TM7SF2: variants seen among roughly 807,000 people sequenced by gnomAD.
The protein encoded by TM7SF2 is transmembrane 7 superfamily member 2.
A neutral mutation model predicts 51.0 loss-of-function variants in TM7SF2; 51 were observed. That is an observed-to-expected ratio of 1.00 (90% CI 0.80 to 1.26). The LOEUF (loss-of-function observed/expected upper bound fraction) is 1.26, where lower values mean the gene tolerates loss of function less well. Ranked by LOEUF, TM7SF2 falls within the 50% of genes most tolerant of loss-of-function variation. The pLI is 0.00. For synonymous variants in TM7SF2, 255 were observed against 241.0 expected (o/e 1.06, Z -0.54); for missense variants, 541 against 547.4 (o/e 0.99, Z 0.12).
Position 65,113,370 on chromosome 11 carries a change from C to T in TM7SF2, c.455C>T (p.Ala152Val), listed in dbSNP as rs770443444. 1.2e-6 allele frequency: 2 copies of T among 1,614,014 alleles called. No individual in the cohort carries two copies. The highest frequency in any genetic ancestry group is 1.7e-6 in the Non-Finnish European group (2 of 1,180,036). ...FIFSLFLYMKAQVAPVSALAP... is the reference protein window; with the variant it reads ...FIFSLFLYMKVQVAPVSALAP... ...TTCAGCCTCTTTCTCTACATGAAGGCGCAGGTAGCCCCAGTTTCGGCCCTG... is the reference window on the plus strand; with the variant it reads ...TTCAGCCTCTTTCTCTACATGAAGGTGCAGGTAGCCCCAGTTTCGGCCCTG... The change falls in exon 4 of 10, where the codon GCG (alanine) becomes GTG (valine). Residue 152 changes from alanine (A) to valine (V), a missense_variant. Physicochemically the swap from Ala to Val is moderately conservative, Grantham distance 64. Coordinates refer to ENST00000279263, the MANE Select transcript of TM7SF2 (RefSeq NM_003273.6).
In TM7SF2 at chr11:65,114,926, C is replaced by G; in HGVS notation, c.737C>G (p.Thr246Ser). Residue 246 changes from threonine to serine, a missense_variant, in exon 7 of 10, where the codon ACC becomes AGC. Coordinates refer to ENST00000279263, the MANE Select transcript of TM7SF2 (RefSeq NM_003273.6). ...TTGTCCCTGCAGGAGGCCGTCCTCA[C>G]CACCATGGATATCACACATGACGGG... ...DALWHEEAVLTTMDITHDGFG... is the reference protein window; with the variant it reads ...DALWHEEAVLSTMDITHDGFG... 1 of 1,614,190 alleles carries G rather than the reference C, an allele frequency of 6.2e-7. No individual in the cohort carries two copies. Among genetic ancestry groups the G allele is most frequent in the Non-Finnish European group, 8.5e-7 (1 of 1,180,024 alleles).
rs868412324 is a variant in TM7SF2, at chr11:65,114,913, G to A, written c.724G>A (p.Glu242Lys). The change falls in exon 7 of 10, where the codon GAG (glutamate) becomes AAG (lysine). Residue 242 changes from glutamate (E) to lysine (K), a missense_variant and splice_region_variant. By Grantham distance (56) the Glu-to-Lys change is moderately conservative. Coordinates refer to ENST00000279263, the MANE Select transcript of TM7SF2 (RefSeq NM_003273.6). Reference protein sequence around the residue: ...LYVGDALWHEEAVLTTMDITH... With the variant: ...LYVGDALWHEKAVLTTMDITH... ...GTGTGTCTGGGTCTTGTCCCTGCAG[G>A]AGGCCGTCCTCACCACCATGGATAT... is the stretch of plus-strand genomic sequence containing the variant. 1 of 1,614,206 alleles carries A rather than the reference G, an allele frequency of 6.2e-7. No homozygotes were observed. Among genetic ancestry groups the A allele is most frequent in the East Asian group, 2.2e-5 (1 of 44,884 alleles).
rs912812977 is a variant in TM7SF2, at chr11:65,112,749, C to T, written c.249+38C>T. On this transcript the variant is annotated intron_variant, in intron 2 of 9. Transcript: ENST00000279263. ...CTCGCGGACGCTCGGGGGAGGGAAG[C>T]GAATGGGCTCGGCGAGGGAAAGGAC... is the stretch of plus-strand genomic sequence containing the variant. 4 of 1,548,954 alleles carry T rather than the reference C, an allele frequency of 2.6e-6. No individual in the cohort carries two copies. The African/African-American group carries it at 5.5e-5, about 21-fold the overall frequency.
intron 5 of TM7SF2, among the ~76,000 whole-genome samples, chr11:65,114,099 T>C (rs931118858): frequency 6.6e-6 from 1 of 152,184 alleles, no homozygotes; most frequent in African/African-American, 2.4e-5. Context: ...CTGGAAATTA[T>C]CTTACCCGAG....
intron 8 of TM7SF2, 35 bp downstream of exon 8, chr11:65,115,429 G>A (rs1947965890): frequency 6.2e-7 from 1 of 1,614,160 alleles, no homozygotes; most frequent in Non-Finnish European, 8.5e-7. Context: ...GGTGAGGTGG[G>A]GCAGCTGGGC....
intron 3 of TM7SF2, 85 bp downstream of exon 3, chr11:65,112,950 C>T: frequency 6.8e-7 from 1 of 1,479,104 alleles, no homozygotes; most frequent in South Asian, 1.2e-5. Context: ...CGGAGATTGG[C>T]CCCCACCCCA....
Position 65,115,984 on chromosome 11 carries a change from G to C in TM7SF2, c.1188G>C (p.Gln396His), listed in dbSNP as rs754635636. 1 of 1,613,496 alleles carries C rather than the reference G, an allele frequency of 6.2e-7. No homozygotes were observed. The highest frequency in any genetic ancestry group is 2.2e-5 in the East Asian group (1 of 44,886). Residue 396 changes from glutamine (Q) to histidine (H), a missense_variant, in exon 10 of 10, where the codon CAG becomes CAC. Gln to His is a conservative substitution (Grantham distance 24). Coordinates refer to ENST00000279263, the MANE Select transcript of TM7SF2 (RefSeq NM_003273.6). ...REARDERQCL[Q>H]KYGLAWQEYC... Reference sequence around the variant, plus strand: ...CCCGGGATGAGCGGCAGTGCCTGCAGAAGTACGGCCTGGCCTGGCAGGAGT... The same window carrying C: ...CCCGGGATGAGCGGCAGTGCCTGCACAAGTACGGCCTGGCCTGGCAGGAGT...
At position 65,111,992 on chromosome 11, in the gene TM7SF2, T is replaced by C; in HGVS notation, c.-24T>C. 6.4e-7 allele frequency: 1 copy of C among 1,572,344 alleles called. No individual in the cohort carries two copies. Among genetic ancestry groups the C allele is most frequent in the South Asian group, 1.2e-5 (1 of 85,634 alleles). On this transcript the variant is annotated 5_prime_UTR_variant, in exon 1 of 10. Transcript: ENST00000279263. The stretch of plus-strand genomic sequence containing the variant: ...CCTTGACTGACTATTGTGAGCGCCC[T>C]CTCTCTCCGGCGGAGCGGAGACCAT...
intron 1 of TM7SF2, chr11:65,112,282 T>A: frequency 1.6e-6 from 1 of 642,834 alleles, no homozygotes; most frequent in Middle Eastern, 4.3e-4. Context: ...TGGTGTCGAC[T>A]GGGAGCAGGA....
At chr11:65,112,298 G>A (rs1254117372) in intron 1 of TM7SF2, 4 of 661,648 alleles carry the variant, frequency 6.0e-6, no homozygotes, top group African/African-American at 1.9e-5. Flanking sequence ...CAGGAGGAGG[G>A]TCTTCGAGGG....
In TM7SF2 at chr11:65,113,578, C is replaced by G; in HGVS notation, c.587C>G (p.Pro196Arg). 1 of 1,614,094 alleles carries G rather than the reference C, an allele frequency of 6.2e-7. No individual in the cohort carries two copies. Residue 196 changes from proline (P) to arginine (R), a missense_variant, in exon 5 of 10, where the codon CCC (proline) becomes CGC (arginine). By Grantham distance (103) the Pro-to-Arg change is moderately radical. Coordinates refer to ENST00000279263, the MANE Select transcript of TM7SF2 (RefSeq NM_003273.6). ...TTCAAATATTTCTGTGAACTGCGAC[C>G]CGGCCTCATCGGCTGGGTATGTTGG... ...FDFKYFCELR[P>R]GLIGWVLINL...
rs1590815370 is a variant in TM7SF2, at chr11:65,111,911, G to A, written c.-105G>A. The stretch of plus-strand genomic sequence containing the variant: ...TCCAGGCAGGTGCAGGCGCCGCGGG[G>A]CCGGATCCTCCGCGCGGCCGAGTCC... On this transcript the variant is annotated 5_prime_UTR_variant, in exon 1 of 10. Transcript: ENST00000279263. The A allele has an allele frequency of 7.6e-7, 1 of 1,310,176 alleles. No homozygotes were observed. Among genetic ancestry groups the A allele is most frequent in the Non-Finnish European group, 1.1e-6 (1 of 930,468 alleles). The allele number at this position is 1,310,176 out of a possible 1,614,324, so 81.2% of individuals were successfully genotyped here.
rs1947951011 is a variant in TM7SF2, at chr11:65,114,555, G to A, written c.604-158G>A. On this transcript the variant is annotated intron_variant, in intron 5 of 9. Transcript: ENST00000279263. Reference sequence around the variant, plus strand: ...GACAAGGCAAGAAGAAACAGGCTGCGGGCACCTCCCTGTCCACAGTCTCTG... The same window carrying A: ...GACAAGGCAAGAAGAAACAGGCTGCAGGCACCTCCCTGTCCACAGTCTCTG... The A allele has an allele frequency of 2.1e-5, 18 of 867,708 alleles. 1 individual carries two copies. In the East Asian group the frequency reaches 2.2e-4, roughly 10 times the overall value. The allele number at this position is 867,708 out of a possible 1,614,324, so 53.8% of individuals were successfully genotyped here. A position where few individuals can be genotyped will look rare whatever the true frequency, so the allele number is the denominator to read the frequency against.
intron 3 of TM7SF2, 89 bp from the exon 4 acceptor site, chr11:65,113,131 G>A: frequency 7.3e-7 from 1 of 1,371,228 alleles, no homozygotes; most frequent in Non-Finnish European, 9.7e-7. Context: ...AGGGTCTGTG[G>A]CCCCCCTGAG....
rs1947908217 is a variant in TM7SF2, at chr11:65,111,878, G to A, written c.-138G>A. On this transcript the variant is annotated 5_prime_UTR_variant, in exon 1 of 10. Transcript: ENST00000279263. ...TGGGACGAGAGCGGTCCTTGTCTGC[G>A]TTCCGTGTCCAGGCAGGTGCAGGCG... 9.2e-7 allele frequency: 1 copy of A among 1,082,964 alleles called. No individual in the cohort carries two copies. Among genetic ancestry groups the A allele is most frequent in the Non-Finnish European group, 1.4e-6 (1 of 729,482 alleles). The allele number at this position is 1,082,964 out of a possible 1,614,324, so 67.1% of individuals were successfully genotyped here.
chr11:65,114,228 G>A (rs1420858076), intron 5 of TM7SF2, among the ~76,000 whole-genome samples: 1 of 152,160 alleles, frequency 6.6e-6, no homozygotes. Flanking sequence ...AGATTACTGG[G>A]AAGATTAGAA....
chr11:65,113,251 G>T lies in TM7SF2; in HGVS notation c.336G>T (p.Leu112Phe), dbSNP rs757533597. Residue 112 changes from leucine (L) to phenylalanine (F), a missense_variant, in exon 4 of 10, where the codon TTG (leucine) becomes TTT (phenylalanine). By Grantham distance (22) the Leu-to-Phe change is conservative (BLOSUM62 0). Transcript: ENST00000279263. Reference protein sequence around the residue: ...GFQALVLTALLVGLGMSAGLP... With the variant: ...GFQALVLTALFVGLGMSAGLP... ...AGGCCCTGGTGCTGACAGCCCTGTT[G>T]GTGGGGCTGGGGATGTCAGCGGGGC... 17 of 1,605,460 alleles carry T rather than the reference G, an allele frequency of 1.1e-5. 1 individual carries two copies. Among genetic ancestry groups the T allele is most frequent in the Non-Finnish European group, 1.4e-5 (16 of 1,179,812 alleles).
At chr11:65,115,173 C>A (rs536410722) in intron 7 of TM7SF2, 92 bp downstream of exon 7, 2 of 1,591,594 alleles carry the variant, frequency 1.3e-6, no homozygotes, top group Admixed American at 1.7e-5. Context: ...TAGGTGCTAA[C>A]CCCCAGGGTT....
At position 65,115,040 on chromosome 11, in the gene TM7SF2, C is replaced by T; in HGVS notation, c.851C>T (p.Pro284Leu). ...QAQFLLHHPQPLGLPMASVIC... is the reference protein window; with the variant it reads ...QAQFLLHHPQLLGLPMASVIC... ...CAGTTCCTGCTGCACCACCCGCAGCCCCTGGGGTTGCCCATGGCCTCTGTC... is the reference window on the plus strand; with the variant it reads ...CAGTTCCTGCTGCACCACCCGCAGCTCCTGGGGTTGCCCATGGCCTCTGTC... The change falls in exon 7 of 10, where the codon CCC becomes CTC. Residue 284 changes from proline to leucine, a missense_variant. Transcript: ENST00000279263. The T allele has an allele frequency of 1.2e-6, 2 of 1,614,042 alleles. No individual in the cohort carries two copies. Among genetic ancestry groups the T allele is most frequent in the Non-Finnish European group, 1.7e-6 (2 of 1,180,028 alleles).
Sources: allele counts gnomAD v4.1 joint callset (sites outside exome capture counted in the v4.1 genomes callset), GRCh38; gene constraint gnomAD v4.1.1; transcripts MANE v1.5; gene names NCBI Gene and HGNC (gene_info 2026-07-23, HGNC 2026-07-21).